Variants in SMAD1 observed in about 807,000 individuals in gnomAD.
SMAD1 encodes MAD, mothers against decapentaplegic homolog 1.
SMAD1 carries 6 observed loss-of-function variants against 41.6 expected under a neutral mutation model. The observed-to-expected ratio is 0.14, with a 90% confidence interval of 0.08 to 0.28. The LOEUF (loss-of-function observed/expected upper bound fraction) is 0.28, where lower values mean the gene tolerates loss of function less well. Among genes scored for constraint, SMAD1 ranks in the 10% least tolerant of loss-of-function variants. SMAD1 has a pLI of 1.00. For missense variants in SMAD1, 379 were observed against 582.6 expected (o/e 0.65, Z 3.60); for synonymous variants, 206 against 203.2 (o/e 1.01, Z -0.12).
At chr4:145,528,923 T>C (rs1731176172) in intron 2 of SMAD1, among the ~76,000 whole-genome samples, 1 of 152,210 alleles carries the variant, frequency 6.6e-6, no homozygotes, top group Non-Finnish European at 1.5e-5. Context: ...ATATCTCATT[T>C]TCCACTTTTA....
At chr4:145,489,843 C>T (rs1728681837) in intron 1 of SMAD1, among the ~76,000 whole-genome samples, 2 of 152,054 alleles carry the variant, frequency 1.3e-5, no homozygotes, top group Non-Finnish European at 2.9e-5. Flanking sequence ...TCCATTGGAG[C>T]CCACGGTTAG....
intron 1 of SMAD1, among the ~76,000 whole-genome samples, chr4:145,501,902 TA>T (rs1457640355): frequency 6.6e-6 from 1 of 152,190 alleles, no homozygotes; most frequent in Non-Finnish European, 1.5e-5. Context: ...GGAGTCAATG[TA>T]ATAATGTTTG....
Position 145,514,400 on chromosome 4 carries a change from GT to G in SMAD1, c.-176-37del. Reference sequence around the variant, plus strand: ...ATTACTTAATAAATGTGGTTGTATGGTAAAGATGATTCTAACCATTCTTTTT... The same window carrying G: ...ATTACTTAATAAATGTGGTTGTATGGAAAGATGATTCTAACCATTCTTTTT... On this transcript the variant is annotated intron_variant, in intron 1 of 6. Transcript: ENST00000302085. This position sits in a 1 kb window ranked among gnomAD's most constrained non-coding sequence, Gnocchi z 4.7. 1 of 502,756 alleles carries G rather than the reference GT, an allele frequency of 2.0e-6. No individual in the cohort carries two copies. The highest frequency in any genetic ancestry group is 3.5e-6 in the Non-Finnish European group (1 of 288,270). 31.1% of individuals were successfully genotyped at this position (502,756 alleles called of 1,614,324 possible).
At chr4:145,528,125 A>G (rs1170465379) in intron 2 of SMAD1, among the ~76,000 whole-genome samples, 2 of 149,950 alleles carry the variant, frequency 1.3e-5, no homozygotes, top group Non-Finnish European at 3.0e-5. Flanking sequence ...TTTTTTTGAA[A>G]TTGAGTCTCA....
At chr4:145,522,983 G>A (rs1275929647) in intron 2 of SMAD1, among the ~76,000 whole-genome samples, 1 of 152,100 alleles carries the variant, frequency 6.6e-6, no homozygotes. Flanking sequence ...GGCTGTGAAT[G>A]TGTTTTTATA....
At chr4:145,550,643 C>T (rs1732503920) in intron 5 of SMAD1, among the ~76,000 whole-genome samples, 1 of 152,104 alleles carries the variant, frequency 6.6e-6, no homozygotes, top group Admixed American at 6.6e-5. Flanking sequence ...TATAGTTGGG[C>T]ATTGTGCCTA....
chr4:145,547,001 C>A, intron 5 of SMAD1, 77 bp downstream of exon 5: 1 of 1,147,538 alleles, frequency 8.7e-7, no homozygotes, highest in Non-Finnish European at 1.3e-6. Context: ...TAAAATCATT[C>A]CTGTAACAAA....
At chr4:145,554,090 G>GTT in intron 6 of SMAD1, 50 bp downstream of exon 6, 3 of 1,342,954 alleles carry the variant, frequency 2.2e-6, no homozygotes, top group East Asian at 2.5e-5. Context: ...CTTTTGCTGT[G>GTT]CTTTTTTTTT....
chr4:145,496,759 G>T (rs963376043), intron 1 of SMAD1, among the ~76,000 whole-genome samples: 2 of 152,106 alleles, frequency 1.3e-5, no homozygotes, highest in Admixed American at 1.3e-4. Flanking sequence ...CTATACTTCT[G>T]TTGAAATTTG....
chr4:145,551,285 G>A (rs1732542629), intron 5 of SMAD1, among the ~76,000 whole-genome samples: 1 of 152,102 alleles, frequency 6.6e-6, no homozygotes, highest in Admixed American at 6.5e-5. Flanking sequence ...TTAGCGTTTG[G>A]GTGAGGCTGG....
chr4:145,517,478 A>C (rs1201752092), intron 2 of SMAD1, among the ~76,000 whole-genome samples: 2 of 152,072 alleles, frequency 1.3e-5, no homozygotes, highest in Non-Finnish European at 2.9e-5. Flanking sequence ...ATTTCTTTAG[A>C]ATGTTCTTCA....
At chr4:145,508,687 A>T (rs1729918923) in intron 1 of SMAD1, among the ~76,000 whole-genome samples, 2 of 152,102 alleles carry the variant, frequency 1.3e-5, no homozygotes, top group Non-Finnish European at 1.5e-5. Flanking sequence ...TTTATATATT[A>T]TTGTCTTAGT....
intron 1 of SMAD1, among the ~76,000 whole-genome samples, chr4:145,486,798 G>A (rs575733201): frequency 2.6e-5 from 4 of 152,284 alleles, no homozygotes; most frequent in Admixed American, 2.6e-4. Context: ...GTCCAGAGAA[G>A]GTAACTGACA....
In SMAD1 at chr4:145,515,147, T is replaced by C. The variant is rs3775322; in HGVS notation, c.400+134T>C. 1,161 of 649,900 alleles carry C rather than the reference T, an allele frequency of 1.8e-3. 6 individuals are homozygous for C. The East Asian group carries it at 0.024, about 13-fold the overall frequency. 40.3% of individuals were successfully genotyped at this position (649,900 alleles called of 1,614,324 possible). A position where few individuals can be genotyped will look rare whatever the true frequency, so the allele number is the denominator to read the frequency against. On this transcript the variant is annotated intron_variant, in intron 2 of 6. Coordinates refer to ENST00000302085, the MANE Select transcript of SMAD1 (RefSeq NM_005900.3). ...TATTTGGGGAAACTGTGTGTGTGTG[T>C]GTGTGTGTGTGTGTGTGTGTGTGTG...
rs143706254 is a variant in SMAD1 at position 145,536,056 on chromosome 4, A to G, written c.401-3748A>G. Among the ~76,000 whole-genome samples, 69 of 152,164 alleles carry G rather than the reference A, an allele frequency of 4.5e-4. No homozygotes were observed. In the East Asian group the frequency reaches 0.01, roughly 23 times the overall value. On this transcript the variant is annotated intron_variant, in intron 2 of 6. Coordinates refer to ENST00000302085, the MANE Select transcript of SMAD1 (RefSeq NM_005900.3). ...GTAGGTTTATTTTATAATTTCTGAAATTTTTTCAGTGTATCGTAGAATTAA... is the reference window on the plus strand; with the variant it reads ...GTAGGTTTATTTTATAATTTCTGAAGTTTTTTCAGTGTATCGTAGAATTAA...
chr4:145,490,905 C>T (rs533781857), intron 1 of SMAD1, among the ~76,000 whole-genome samples: 30 of 152,228 alleles, frequency 2.0e-4, no homozygotes, highest in African/African-American at 6.0e-4. Context: ...GCATTCATTA[C>T]GGTTAAAAAC....
Position 145,522,600 on chromosome 4 carries a change from C to CA in SMAD1, c.400+7594dup, listed in dbSNP as rs200282602. Among the ~76,000 whole-genome samples, 907 of 151,998 alleles carry CA rather than the reference C, an allele frequency of 6.0e-3. 7 individuals are homozygous for CA. The highest frequency in any genetic ancestry group is 0.01 in the Non-Finnish European group (685 of 67,930). On this transcript the variant is annotated intron_variant, in intron 2 of 6. Transcript: ENST00000302085. The stretch of plus-strand genomic sequence containing the variant: ...GGCAACAAAAGCAAAACTCTGTCTC[C>CA]AAAAAAACAAATGGAAATCTTTAAA...
At chr4:145,500,990 A>T (rs1480080204) in intron 1 of SMAD1, among the ~76,000 whole-genome samples, 1 of 152,194 alleles carries the variant, frequency 6.6e-6, no homozygotes, top group Non-Finnish European at 1.5e-5. Flanking sequence ...TACAGCTACT[A>T]AGTGGACAGC....
At chr4:145,505,688 A>G (rs1268762530) in intron 1 of SMAD1, among the ~76,000 whole-genome samples, 1 of 151,812 alleles carries the variant, frequency 6.6e-6, no homozygotes, top group East Asian at 1.9e-4. Flanking sequence ...AGCCCACCAT[A>G]GGTCTACTCT....
Sources: gnomAD v4.1 joint callset for allele counts (sites outside exome capture counted in the v4.1 genomes callset) on GRCh38, gnomAD v4.1.1 for gene constraint, Gnocchi (gnomAD v3.1) non-coding constraint, MANE v1.5 for transcripts, NCBI Gene and HGNC (gene_info 2026-07-23, HGNC 2026-07-21) for gene names.